The following AKAP12 variants were observed in gnomAD, a reference collection of about 807,000 sequenced individuals.
AKAP12 encodes the protein A-kinase anchoring protein 12.
A neutral mutation model predicts 79.9 loss-of-function variants in AKAP12; 32 were observed. That is an observed-to-expected ratio of 0.40 (90% confidence interval 0.30 to 0.54). AKAP12 has a LOEUF of 0.54. AKAP12 is among the 20% of genes least tolerant of loss of function. The pLI, the probability that AKAP12 is intolerant of heterozygous loss-of-function variation, is 0.48. For synonymous variants in AKAP12, 808 were observed against 857.0 expected (o/e 0.94, Z 1.00); for missense variants, 2,074 against 2,177.0 (o/e 0.95, Z 0.94).
intron 3 of AKAP12, chr6:151,325,388 G>T: frequency 1.0e-6 from 1 of 985,422 alleles, no homozygotes; most frequent in Non-Finnish European, 1.2e-6. Context: ...TGAAGTAACC[G>T]TTTAGATCCA....
chr6:151,314,068 C>T (rs1342216599), intron 3 of AKAP12, among the ~76,000 whole-genome samples: 1 of 149,710 alleles, frequency 6.7e-6, no homozygotes, highest in African/African-American at 2.5e-5. Flanking sequence ...TCCGAACTCT[C>T]CCAGGCTGAA....
chr6:151,338,531 C>T (rs911301194), intron 3 of AKAP12, among the ~76,000 whole-genome samples: 2 of 150,960 alleles, frequency 1.3e-5, no homozygotes, highest in Non-Finnish European at 2.9e-5. Context: ...TCTGGGTTTA[C>T]TGCAACCTCC....
At chr6:151,280,543 G>T (rs1401451711) in intron 2 of AKAP12, 1 of 151,938 alleles carries the variant, frequency 6.6e-6, no homozygotes, top group Non-Finnish European at 1.5e-5. Context: ...ACAAATTTGG[G>T]TCTCATCTTT....
intron 2 of AKAP12, among the ~76,000 whole-genome samples, chr6:151,276,337 C>T (rs1330823777): frequency 1.3e-5 from 2 of 152,118 alleles, no homozygotes; most frequent in Non-Finnish European, 2.9e-5. Flanking sequence ...GCTAATAGAG[C>T]CAGGAATGAG....
intron 3 of AKAP12, among the ~76,000 whole-genome samples, chr6:151,345,509 T>C (rs184079302): frequency 2.6e-5 from 4 of 151,666 alleles, no homozygotes; most frequent in Non-Finnish European, 5.9e-5. Context: ...TATAGAAAAT[T>C]AGAGGCTGGG....
At position 151,353,769 on chromosome 6, in the gene AKAP12, T is replaced by A. The variant is rs907895462; in HGVS notation, c.*12+17T>A. The A allele has an allele frequency of 1.3e-6, 2 of 1,486,250 alleles. No homozygotes were observed. Among genetic ancestry groups the A allele is most frequent in the African/African-American group, 2.8e-5 (2 of 70,282 alleles). 92.1% of individuals were successfully genotyped at this position (1,486,250 alleles called of 1,614,324 possible). On this transcript the variant is annotated intron_variant, in intron 4 of 4. Transcript: ENST00000402676. Reference sequence around the variant, plus strand: ...ATCATGCAGGTAAGCTTCCTTGTCTTCTAAGATAATTTTTCTCTTTTATGC... The same window carrying A: ...ATCATGCAGGTAAGCTTCCTTGTCTACTAAGATAATTTTTCTCTTTTATGC...
At chr6:151,318,320 CT>C (rs1392818422) in intron 3 of AKAP12, among the ~76,000 whole-genome samples, 1 of 152,174 alleles carries the variant, frequency 6.6e-6, no homozygotes, top group Non-Finnish European at 1.5e-5. Flanking sequence ...TTATATGGTG[CT>C]TTTATAGCAG....
intron 2 of AKAP12, among the ~76,000 whole-genome samples, chr6:151,260,957 A>C (rs1797416565): frequency 6.6e-6 from 1 of 152,128 alleles, no homozygotes; most frequent in Non-Finnish European, 1.5e-5. Flanking sequence ...GTGCCACTGC[A>C]CCCTGGAGCC....
At position 151,305,898 on chromosome 6, in the gene AKAP12, C is replaced by G; in HGVS notation, c.314C>G (p.Thr105Arg). 1 of 1,608,406 alleles carries G rather than the reference C, an allele frequency of 6.2e-7. No homozygotes were observed. Among genetic ancestry groups the G allele is most frequent in the Non-Finnish European group, 8.5e-7 (1 of 1,177,214 alleles). ...NSQEEEEVIV[T>R]EVGQRDSEDV... The stretch of plus-strand genomic sequence containing the variant: ...CAGGAGGAAGAAGAAGTCATTGTCA[C>G]AGAGGGTAAGCCGCCCCTCCAGGAA... The change falls in exon 3 of 5, where the codon ACA becomes AGA. Residue 105 changes from threonine (T) to arginine (R), a missense_variant. Physicochemically the swap from Thr to Arg is moderately conservative, Grantham distance 71. Coordinates refer to ENST00000402676, the MANE Select transcript of AKAP12 (RefSeq NM_005100.4).
intron 2 of AKAP12, among the ~76,000 whole-genome samples, chr6:151,261,180 G>T (rs567429726): frequency 6.6e-6 from 1 of 151,998 alleles, no homozygotes; most frequent in African/African-American, 2.4e-5. Flanking sequence ...CTGAGGTCAG[G>T]AGTTCGAGGC....
intron 3 of AKAP12, among the ~76,000 whole-genome samples, chr6:151,309,461 A>C (rs1777045424): frequency 6.6e-6 from 1 of 152,208 alleles, no homozygotes; most frequent in African/African-American, 2.4e-5. Flanking sequence ...TTTTTACTTT[A>C]CAGTGGCAGA....
At chr6:151,303,547 G>C (rs1359440297) in intron 2 of AKAP12, among the ~76,000 whole-genome samples, 2 of 152,214 alleles carry the variant, frequency 1.3e-5, no homozygotes, top group Non-Finnish European at 2.9e-5. Context: ...CTTCTGGATT[G>C]CGTGTCTTGA....
At chr6:151,250,007 G>A (rs546092372) in intron 2 of AKAP12, among the ~76,000 whole-genome samples, 1 of 152,164 alleles carries the variant, frequency 6.6e-6, no homozygotes, top group African/African-American at 2.4e-5. Flanking sequence ...CACTTCGGGA[G>A]GTGAGGGTGG....
chr6:151,307,918 G>A (rs1007594181), intron 3 of AKAP12, among the ~76,000 whole-genome samples: 1 of 152,142 alleles, frequency 6.6e-6, no homozygotes, highest in Non-Finnish European at 1.5e-5. Flanking sequence ...AGGCTGGAGT[G>A]CAGTGGCTTG....
At chr6:151,327,396 GA>G (rs1049650973) in intron 3 of AKAP12, among the ~76,000 whole-genome samples, 1 of 152,010 alleles carries the variant, frequency 6.6e-6, no homozygotes, top group Admixed American at 6.5e-5. Context: ...TGTACAAAAT[GA>G]AAAAAATTTA....
chr6:151,290,363 A>G (rs1413997922), intron 2 of AKAP12, among the ~76,000 whole-genome samples: 1 of 152,244 alleles, frequency 6.6e-6, no homozygotes, highest in Non-Finnish European at 1.5e-5. Flanking sequence ...TGACTGAGAC[A>G]GACAGAATGG....
chr6:151,250,637 G>A (rs576890659), intron 2 of AKAP12, among the ~76,000 whole-genome samples: 1 of 147,220 alleles, frequency 6.8e-6, no homozygotes, highest in Non-Finnish European at 1.5e-5. Context: ...ACGGAGTCTC[G>A]CTCTGTTGCC....
At chr6:151,320,359 A>G (rs967736526) in intron 3 of AKAP12, among the ~76,000 whole-genome samples, 22 of 151,546 alleles carry the variant, frequency 1.5e-4, no homozygotes, top group Admixed American at 9.2e-4. Flanking sequence ...GCCTCAAGCA[A>G]TCCTCCCATC....
intron 3 of AKAP12, among the ~76,000 whole-genome samples, chr6:151,306,868 T>A (rs1776988783): frequency 1.3e-5 from 2 of 151,764 alleles, no homozygotes; most frequent in Non-Finnish European, 2.9e-5. Flanking sequence ...AGTGTGAGAG[T>A]TTCAAATAAT....
Sources: gnomAD v4.1 joint callset for allele counts (sites outside exome capture counted in the v4.1 genomes callset) on GRCh38, gnomAD v4.1.1 for gene constraint, MANE v1.5 for transcripts, NCBI Gene and HGNC (gene_info 2026-07-23, HGNC 2026-07-21) for gene names.